FSTL4: variants seen among roughly 807,000 people sequenced by gnomAD.
FSTL4 encodes the protein follistatin like 4.
A neutral mutation model predicts 78.2 loss-of-function variants in FSTL4; 28 were observed. The observed-to-expected ratio is 0.36, with a 90% CI of 0.27 to 0.49. The LOEUF is 0.49. FSTL4 is among the 20% of genes least tolerant of loss of function. The probability of loss-of-function intolerance (pLI) is 0.98; values close to 1 mark genes in which losing one functional copy is unlikely to be tolerated. For missense variants in FSTL4, 922 were observed against 1,084.9 expected (o/e 0.85, Z 2.11); for synonymous variants, 422 against 440.5 (o/e 0.96, Z 0.53).
chr5:133,672,885 A>T, the FSTL4 span, among the ~76,000 whole-genome samples: 5 of 152,228 alleles, frequency 3.3e-5, no homozygotes, highest in Admixed American at 3.3e-4. Context: ...AGCCTCAGGA[A>T]GTCCTGACGA....
chr5:133,293,094 C>T (rs1211687223), intron 6 of FSTL4, among the ~76,000 whole-genome samples: 1 of 152,268 alleles, frequency 6.6e-6, no homozygotes, highest in Non-Finnish European at 1.5e-5. Flanking sequence ...CCTCCCGCCA[C>T]TCCATCTCCA....
At chr5:133,668,293 G>A in the FSTL4 span, among the ~76,000 whole-genome samples, 1 of 152,148 alleles carries the variant, frequency 6.6e-6, no homozygotes, top group Middle Eastern at 3.2e-3. Context: ...TCAGGGGTCA[G>A]GGGGTATGGG....
intron 4 of FSTL4, among the ~76,000 whole-genome samples, chr5:133,352,341 TACAC>T (rs1554107460): frequency 1.0e-5 from 1 of 97,596 alleles, no homozygotes; most frequent in African/African-American, 4.2e-5. Context: ...CATATATATA[TACAC>T]ATATATATAC....
the FSTL4 span, among the ~76,000 whole-genome samples, chr5:133,682,197 A>G: frequency 9.9e-5 from 15 of 152,178 alleles, no homozygotes; most frequent in Admixed American, 3.9e-4. Context: ...TTCAGACATG[A>G]CATCCATCAG....
the FSTL4 span, among the ~76,000 whole-genome samples, chr5:133,707,417 T>C: frequency 1.3e-5 from 2 of 152,284 alleles, no homozygotes; most frequent in African/African-American, 2.4e-5. Flanking sequence ...TCATGGAACA[T>C]AATCATCTTC....
At chr5:133,754,657 C>T in the FSTL4 span, among the ~76,000 whole-genome samples, 1 of 152,114 alleles carries the variant, frequency 6.6e-6, no homozygotes, top group Non-Finnish European at 1.5e-5. Context: ...CCCACTATGT[C>T]TGCATTCATA....
the FSTL4 span, among the ~76,000 whole-genome samples, chr5:133,665,235 C>T: frequency 1.3e-5 from 2 of 152,196 alleles, no homozygotes; most frequent in Non-Finnish European, 2.9e-5. Flanking sequence ...AATTCCTAAA[C>T]CTCAGTGGCT....
chr5:133,241,905 G>C (rs1320203787), intron 7 of FSTL4, among the ~76,000 whole-genome samples: 1 of 152,234 alleles, frequency 6.6e-6, no homozygotes, highest in Non-Finnish European at 1.5e-5. Context: ...ACACTCCAGA[G>C]AGGATTTAAA....
chr5:133,609,034 TCGGTGGCA>T (rs1761033160), intron 1 of FSTL4, among the ~76,000 whole-genome samples: 1 of 152,212 alleles, frequency 6.6e-6, no homozygotes, highest in South Asian at 2.1e-4. Flanking sequence ...CCTCAGAGTT[TCGGTGGCA>T]TTGTTCATCC....
the FSTL4 span, among the ~76,000 whole-genome samples, chr5:133,729,061 A>T: frequency 6.6e-6 from 1 of 152,184 alleles, no homozygotes; most frequent in African/African-American, 2.4e-5. Context: ...TGATAGGCCC[A>T]GTTCAGCCAC....
rs1159092972 is a variant in FSTL4, at chr5:133,217,349, A to G, written c.1488T>C (p.Asn496=). The G allele has an allele frequency of 1.2e-6, 2 of 1,613,854 alleles. No individual in the cohort carries two copies. Among genetic ancestry groups the G allele is most frequent in the African/African-American group, 2.7e-5 (2 of 74,862 alleles). The change falls in exon 13 of 16, where the codon AAT becomes AAC. Residue 496 remains asparagine, a synonymous_variant. Transcript: ENST00000265342. ...YEEICPQREK[N]ATQPCQWVSA... The stretch of plus-strand genomic sequence containing the variant: ...ATACCCACTGGCAGGGCTGGGTTGC[A>G]TTTTTTTCTCTTTGAGGACAGATTT...
intron 3 of FSTL4, among the ~76,000 whole-genome samples, chr5:133,564,582 G>C (rs1231217710): frequency 2.0e-5 from 3 of 152,190 alleles, no homozygotes; most frequent in African/African-American, 7.2e-5. Flanking sequence ...GAGGGTCTCT[G>C]ATCTCAGGAA....
chr5:133,265,599 C>T (rs7701583), intron 6 of FSTL4, among the ~76,000 whole-genome samples: 4,435 of 152,264 alleles, frequency 0.029, 212 homozygotes, highest in African/African-American at 0.1. Context: ...TGAAACTAAA[C>T]GTTTGAAAAA....
At chr5:133,332,594 G>T (rs556841257) in intron 4 of FSTL4, among the ~76,000 whole-genome samples, 1 of 152,338 alleles carries the variant, frequency 6.6e-6, no homozygotes, top group South Asian at 2.1e-4. Flanking sequence ...TGCAGATCAC[G>T]TGTCACAGAA....
At chr5:133,495,924 G>C (rs535678948) in intron 3 of FSTL4, among the ~76,000 whole-genome samples, 1 of 152,316 alleles carries the variant, frequency 6.6e-6, no homozygotes, top group South Asian at 2.1e-4. Flanking sequence ...CTCCACTGAA[G>C]TAAGTAAGAG....
At chr5:133,716,720 C>T in the FSTL4 span, among the ~76,000 whole-genome samples, 2 of 152,084 alleles carry the variant, frequency 1.3e-5, no homozygotes, top group African/African-American at 4.8e-5. Context: ...ATTTAAGAGC[C>T]CACTGTGTGC....
At chr5:133,675,458 C>T in the FSTL4 span, among the ~76,000 whole-genome samples, 3 of 152,352 alleles carry the variant, frequency 2.0e-5, no homozygotes, top group South Asian at 6.2e-4. Context: ...ACGGCTGGGC[C>T]TCTTGTTCCC....
intron 4 of FSTL4, among the ~76,000 whole-genome samples, chr5:133,325,255 C>T (rs112571201): frequency 2.0e-3 from 307 of 152,156 alleles, no homozygotes; most frequent in Admixed American, 3.4e-3. Context: ...TTTTTTGCCC[C>T]GGCTCTGATC....
Position 133,291,268 on chromosome 5 carries a change from T to G in FSTL4, c.727+21386A>C, listed in dbSNP as rs184266246. On this transcript the variant is annotated intron_variant, in intron 6 of 15. Coordinates refer to ENST00000265342, the MANE Select transcript of FSTL4 (RefSeq NM_015082.2). Reference sequence around the variant, plus strand: ...GGTCCCCTTGGACCTTAGGGACTTCTGAAGACCTGGTGCTGGAAACCTCAT... The same window carrying G: ...GGTCCCCTTGGACCTTAGGGACTTCGGAAGACCTGGTGCTGGAAACCTCAT... Among the ~76,000 whole-genome samples, 7 of 152,280 alleles carry G rather than the reference T, an allele frequency of 4.6e-5. No homozygotes were observed. In the East Asian group the frequency reaches 1.4e-3, roughly 29 times the overall value.
Sources: gnomAD v4.1 joint callset for allele counts (sites outside exome capture counted in the v4.1 genomes callset) on GRCh38, gnomAD v4.1.1 for gene constraint, MANE v1.5 for transcripts, NCBI Gene and HGNC (gene_info 2026-07-23, HGNC 2026-07-21) for gene names.